The following RASSF2 variants were observed in gnomAD, a reference collection of about 807,000 sequenced individuals.
RASSF2 encodes the protein ras association domain-containing protein 2.
A neutral mutation model predicts 46.3 loss-of-function variants in RASSF2; 34 were observed. That is an observed-to-expected ratio of 0.73 (90% CI 0.56 to 0.98). RASSF2 has a LOEUF of 0.98. Among genes scored for constraint, RASSF2 ranks in the 50% least tolerant of loss-of-function variants. The probability of loss-of-function intolerance (pLI) is 0.00; values close to 1 mark genes in which losing one functional copy is unlikely to be tolerated. For missense variants in RASSF2, 364 were observed against 431.2 expected (o/e 0.84, Z 1.38); for synonymous variants, 158 against 162.5 (o/e 0.97, Z 0.21).
At chr20:4,813,723 C>T (rs1010128511) in intron 2 of RASSF2, among the ~76,000 whole-genome samples, 1 of 152,114 alleles carries the variant, frequency 6.6e-6, no homozygotes, top group African/African-American at 2.4e-5. Context: ...AAAAAAGCAG[C>T]TGTGTGTGCG....
rs1360842663 is a variant in RASSF2, at chr20:4,784,148, T to C, written c.*125A>G. The C allele has an allele frequency of 1.2e-5, 11 of 954,280 alleles. No individual in the cohort carries two copies. Among genetic ancestry groups the C allele is most frequent in the East Asian group, 2.5e-5 (1 of 40,594 alleles). 59.1% of individuals were successfully genotyped at this position (954,280 alleles called of 1,614,324 possible). On this transcript the variant is annotated 3_prime_UTR_variant, in exon 12 of 12. Coordinates refer to ENST00000379400, the MANE Select transcript of RASSF2 (RefSeq NM_014737.3). The stretch of plus-strand genomic sequence containing the variant: ...ACATCCAGCTCCAGGTAGCAAATGA[T>C]GGCTTGGCCGGAGCTGGGGAGGTTT...
chr20:4,816,626 G>A (rs565233294), intron 2 of RASSF2, among the ~76,000 whole-genome samples: 15 of 152,218 alleles, frequency 9.9e-5, no homozygotes, highest in Admixed American at 6.5e-4. Context: ...TATGGTATGC[G>A]TACTTTGCCA....
intron 11 of RASSF2, among the ~76,000 whole-genome samples, chr20:4,784,908 A>G (rs1474670565): frequency 2.6e-5 from 4 of 152,180 alleles, no homozygotes; most frequent in African/African-American, 9.7e-5. Context: ...GACTTCCCTG[A>G]GCCGTGGCAC....
At chr20:4,801,744 G>GTTTTC (rs1926888746) in intron 2 of RASSF2, among the ~76,000 whole-genome samples, 2 of 151,860 alleles carry the variant, frequency 1.3e-5, no homozygotes, top group African/African-American at 4.8e-5. Flanking sequence ...GTTTTGTTTT[G>GTTTTC]TTTTGTTTTT....
chr20:4,786,211 G>GC lies in RASSF2; in HGVS notation c.911+19dup. On this transcript the variant is annotated intron_variant, in intron 11 of 11. Transcript: ENST00000379400. ...AGGCCCCAGGAGAAGTGCACCCAGT[G>GC]CCCCAGAAGCCACACTTACTTGCGC... The GC allele has an allele frequency of 6.4e-7, 1 of 1,574,548 alleles. No homozygotes were observed. Among genetic ancestry groups the GC allele is most frequent in the Non-Finnish European group, 8.7e-7 (1 of 1,144,340 alleles).
intron 2 of RASSF2, among the ~76,000 whole-genome samples, chr20:4,811,009 C>A (rs953565287): frequency 3.9e-5 from 6 of 152,106 alleles, no homozygotes; most frequent in African/African-American, 1.4e-4. Flanking sequence ...ACTCCAGGTG[C>A]TCATGAGACT....
chr20:4,786,192 C>T, intron 11 of RASSF2, 39 bp downstream of exon 11: 1 of 1,516,164 alleles, frequency 6.6e-7, no homozygotes, highest in Non-Finnish European at 9.2e-7. Context: ...GTTGAGGCCC[C>T]AGGAGAAGTG....
intron 2 of RASSF2, among the ~76,000 whole-genome samples, chr20:4,809,450 G>A (rs1458259548): frequency 2.0e-5 from 3 of 152,054 alleles, no homozygotes; most frequent in African/African-American, 7.2e-5. Flanking sequence ...GCAGGGACAG[G>A]CACTCCCACT....
intron 9 of RASSF2, 78 bp from the exon 10 acceptor site, chr20:4,787,832 G>GGA (rs1555788865): frequency 6.3e-7 from 1 of 1,592,738 alleles, no homozygotes. Flanking sequence ...GGGTCCAAAG[G>GGA]CACCTTAGGA....
At chr20:4,817,441 T>G (rs1928400006) in intron 2 of RASSF2, among the ~76,000 whole-genome samples, 1 of 152,146 alleles carries the variant, frequency 6.6e-6, no homozygotes, top group African/African-American at 2.4e-5. Context: ...CATAGAAAGT[T>G]CTCTTTCTCC....
intron 2 of RASSF2, among the ~76,000 whole-genome samples, chr20:4,814,572 G>A (rs914109113): frequency 1.3e-5 from 2 of 152,108 alleles, no homozygotes; most frequent in Non-Finnish European, 2.9e-5. Context: ...CCCAGACCCC[G>A]GCAGGTTCCT....
chr20:4,811,217 A>G (rs1183996331), intron 2 of RASSF2, among the ~76,000 whole-genome samples: 3 of 61,158 alleles, frequency 4.9e-5, no homozygotes, highest in Non-Finnish European at 1.1e-4. Flanking sequence ...AGCCAGGCAC[A>G]GTTAATGCCT....
rs1364080897 is a variant in RASSF2 at position 4,784,206 on chromosome 20, T to C, written c.*67A>G. Reference sequence around the variant, plus strand: ...AATGTTTCCATGGAAAGAAAGTGCCTAGCTTCCTGGGGGTCTTATGGGCAA... The same window carrying C: ...AATGTTTCCATGGAAAGAAAGTGCCCAGCTTCCTGGGGGTCTTATGGGCAA... On this transcript the variant is annotated 3_prime_UTR_variant, in exon 12 of 12. Coordinates refer to ENST00000379400, the MANE Select transcript of RASSF2 (RefSeq NM_014737.3). 6.8e-7 allele frequency: 1 copy of C among 1,481,452 alleles called. No homozygotes were observed. Among genetic ancestry groups the C allele is most frequent in the Non-Finnish European group, 9.4e-7 (1 of 1,059,680 alleles). The allele number at this position is 1,481,452 out of a possible 1,614,324, so 91.8% of individuals were successfully genotyped here.
intron 2 of RASSF2, among the ~76,000 whole-genome samples, chr20:4,816,134 T>C (rs1245675518): frequency 6.6e-6 from 1 of 152,010 alleles, no homozygotes; most frequent in Non-Finnish European, 1.5e-5. Context: ...AAACCTTGTC[T>C]CTATAAAAAA....
chr20:4,792,538 C>T lies in RASSF2; in HGVS notation c.376+1G>A, dbSNP rs759577862. The T allele has an allele frequency of 6.2e-7, 1 of 1,614,140 alleles. No homozygotes were observed. The highest frequency in any genetic ancestry group is 8.5e-7 in the Non-Finnish European group (1 of 1,180,022). ...TGGAAGTACCTTCCACTCACATGTA[C>T]CTGTGGAGCTTGGCATCTGGTCACC... is the stretch of plus-strand genomic sequence containing the variant. On this transcript the variant is annotated splice_donor_variant, in intron 6 of 11. Transcript: ENST00000379400. LOFTEE classifies it high-confidence loss of function.
At chr20:4,809,995 T>C (rs1292666751) in intron 2 of RASSF2, among the ~76,000 whole-genome samples, 1 of 152,188 alleles carries the variant, frequency 6.6e-6, no homozygotes, top group Admixed American at 6.5e-5. Flanking sequence ...CCCAGCACTG[T>C]CAACACTCAC....
In RASSF2 at chr20:4,802,907, TATA is replaced by T. The variant is rs1431037068; in HGVS notation, c.-32-1848_-32-1846del. Among the ~76,000 whole-genome samples, 109 of 77,646 alleles carry T rather than the reference TATA, an allele frequency of 1.4e-3. 1 individual carries two copies. The East Asian group carries it at 0.019, about 13-fold the overall frequency. The allele number at this position is 77,646 out of a possible 152,430, so 50.9% of individuals were successfully genotyped here. On this transcript the variant is annotated intron_variant, in intron 2 of 11. Coordinates refer to ENST00000379400, the MANE Select transcript of RASSF2 (RefSeq NM_014737.3). The stretch of plus-strand genomic sequence containing the variant: ...GTATATATATATATACATATATATA[TATA>T]TATATTTTTTTTTTTTGAGACAGAG...
chr20:4,802,559 C>T (rs1926962723), intron 2 of RASSF2, among the ~76,000 whole-genome samples: 1 of 152,096 alleles, frequency 6.6e-6, no homozygotes, highest in African/African-American at 2.4e-5. Context: ...TATAACAGGC[C>T]ACACCCAAAA....
chr20:4,786,117 G>T, intron 11 of RASSF2, 114 bp downstream of exon 11: 1 of 842,542 alleles, frequency 1.2e-6, no homozygotes, highest in Non-Finnish European at 1.9e-6. Flanking sequence ...TCCAAAGAAA[G>T]CCGAGACTCA....
Sources: allele counts gnomAD v4.1 joint callset (sites outside exome capture counted in the v4.1 genomes callset), GRCh38; gene constraint gnomAD v4.1.1; transcripts MANE v1.5; gene names NCBI Gene and HGNC (gene_info 2026-07-23, HGNC 2026-07-21).